SLAMF6: variants seen among roughly 807,000 people sequenced by gnomAD.
SLAMF6 encodes SLAM family member 6, also known as NK-T-B-antigen.
Under a neutral mutation model 38.3 loss-of-function variants are expected in SLAMF6, and 21 were observed. That is an observed-to-expected ratio of 0.55 (90% CI 0.39 to 0.79). The LOEUF (loss-of-function observed/expected upper bound fraction) is 0.79. Ranked by LOEUF, SLAMF6 falls within the 30% of genes least tolerant of loss-of-function variation. SLAMF6 has a pLI of 0.00. For missense variants in SLAMF6, 341 were observed against 385.3 expected, an observed-to-expected ratio of 0.89 and a Z score of 0.96; for synonymous variants, 152 against 146.3, an observed-to-expected ratio of 1.04 and a Z score of -0.28.
At position 160,501,205 on chromosome 1, in the gene SLAMF6, G is replaced by T. The variant is rs187948800; in HGVS notation, c.50-4812C>A. ...GGCATATTTATTAGGTCTGTTTTAT[G>T]TACCAGTTTCTAGACTGGAAACTGG... On this transcript the variant is annotated intron_variant, in intron 1 of 7. Coordinates refer to ENST00000368057, the MANE Select transcript of SLAMF6 (RefSeq NM_001184714.2). Among the ~76,000 whole-genome samples, 278 of 152,266 alleles carry T rather than the reference G, an allele frequency of 1.8e-3. 1 individual carries two copies. The Middle Eastern group carries it at 0.02, about 11-fold the overall frequency.
Position 160,487,110 on chromosome 1 carries a change from G to A in SLAMF6, c.945C>T (p.Ser315=). The change falls in exon 7 of 8, where the codon TCC becomes TCT. Residue 315 remains serine, a synonymous_variant. Transcript: ENST00000368057. ...TITIYSTINH[S]KESKPTFSRA... ...GGAGCAATCGTGGGCTTACCTCTTT[G>A]GAATGATTAATTGTGGAGTAAATTG... is the stretch of plus-strand genomic sequence containing the variant. 1.2e-6 allele frequency: 2 copies of A among 1,611,400 alleles called. No homozygotes were observed. Among genetic ancestry groups the A allele is most frequent in the South Asian group, 1.1e-5 (1 of 90,984 alleles).
At chr1:160,506,164 A>T (rs970119754) in intron 1 of SLAMF6, among the ~76,000 whole-genome samples, 1 of 152,170 alleles carries the variant, frequency 6.6e-6, no homozygotes, top group African/African-American at 2.4e-5. Context: ...ACATCCAAGA[A>T]AGTCAATGAA....
intron 4 of SLAMF6, 110 bp downstream of exon 4, chr1:160,490,465 C>G: frequency 5.5e-6 from 8 of 1,455,514 alleles, no homozygotes; most frequent in South Asian, 2.7e-5. Flanking sequence ...GGGTTTGCAG[C>G]CTCCCTCCCT....
intron 1 of SLAMF6, among the ~76,000 whole-genome samples, chr1:160,516,389 G>T (rs1571316345): frequency 1.3e-5 from 2 of 152,242 alleles, no homozygotes; most frequent in East Asian, 3.9e-4. Flanking sequence ...CTGTGCTCAT[G>T]GATAGGAAGA....
At chr1:160,504,276 A>G (rs1654066682) in intron 1 of SLAMF6, among the ~76,000 whole-genome samples, 1 of 152,318 alleles carries the variant, frequency 6.6e-6, no homozygotes, top group African/African-American at 2.4e-5. Flanking sequence ...TACTCTTACC[A>G]TACTTGCACA....
chr1:160,511,140 C>A, intron 1 of SLAMF6, among the ~76,000 whole-genome samples: 1 of 151,992 alleles, frequency 6.6e-6, no homozygotes, highest in African/African-American at 2.4e-5. Flanking sequence ...ATTAATATGC[C>A]GATACCACCA....
chr1:160,494,285 G>A (rs1258649842), intron 2 of SLAMF6, among the ~76,000 whole-genome samples: 1 of 152,156 alleles, frequency 6.6e-6, no homozygotes, highest in African/African-American at 2.4e-5. Flanking sequence ...AGCCTCAAGA[G>A]GGTGGCTGTC....
In SLAMF6 at chr1:160,485,786, A is replaced by G. The variant is rs149534223; in HGVS notation, c.*921T>C. 681 of 152,922 alleles carry G rather than the reference A, an allele frequency of 4.5e-3. 34 individuals carry two copies. The East Asian group carries it at 0.079, about 18-fold the overall frequency. The allele number at this position is 152,922 out of a possible 1,614,324, so 9.5% of individuals were successfully genotyped here. A position where few individuals can be genotyped will look rare whatever the true frequency, so the allele number is the denominator to read the frequency against. ...GGTAGGATTCAGGTTAGAGGTGGTG[A>G]TGGTTGGATACAGGATGGTGGTCAA... On this transcript the variant is annotated 3_prime_UTR_variant, in exon 8 of 8. Transcript: ENST00000368057.
chr1:160,514,649 A>G (rs1654651253), intron 1 of SLAMF6, among the ~76,000 whole-genome samples: 1 of 152,210 alleles, frequency 6.6e-6, no homozygotes, highest in South Asian at 2.1e-4. Context: ...AATCACAACA[A>G]ACAGTCTCTC....
Position 160,490,583 on chromosome 1 carries a change from T to C in SLAMF6, c.749A>G (p.Lys250Arg), listed in dbSNP as rs1557934273. ...FIILLLLVLRKRRDSLSLSTQ... is the reference protein window; with the variant it reads ...FIILLLLVLRRRRDSLSLSTQ... ...GAAGAAAGGAAACCTGCCTCTTCTT[T>C]TCCTCAAAACAAGTAACAGCAGTAT... The change falls in exon 4 of 8, where the codon AAA (lysine) becomes AGA (arginine). Residue 250 changes from lysine to arginine, a missense_variant. Coordinates refer to ENST00000368057, the MANE Select transcript of SLAMF6 (RefSeq NM_001184714.2). The C allele has an allele frequency of 6.2e-7, 1 of 1,612,742 alleles. No individual in the cohort carries two copies.
intron 1 of SLAMF6, among the ~76,000 whole-genome samples, chr1:160,508,432 G>A (rs1046293041): frequency 4.6e-5 from 7 of 152,158 alleles, no homozygotes; most frequent in Admixed American, 4.6e-4. Flanking sequence ...TTAATAAATG[G>A]TGCTGGGAAA....
At chr1:160,490,462 C>T in intron 4 of SLAMF6, 113 bp downstream of exon 4, 3 of 1,443,634 alleles carry the variant, frequency 2.1e-6, no homozygotes, top group South Asian at 1.4e-5. Context: ...CCAGGGTTTG[C>T]AGCCTCCCTC....
At chr1:160,494,795 C>T (rs1029554325) in intron 2 of SLAMF6, among the ~76,000 whole-genome samples, 5 of 152,110 alleles carry the variant, frequency 3.3e-5, no homozygotes, top group African/African-American at 4.8e-5. Context: ...CTACAGCCTC[C>T]AGAGGGAGCA....
chr1:160,506,891 C>A (rs1203997708), intron 1 of SLAMF6, among the ~76,000 whole-genome samples: 3 of 151,488 alleles, frequency 2.0e-5, no homozygotes, highest in African/African-American at 7.3e-5. Flanking sequence ...AATACAATAA[C>A]TAAAAATACA....
At chr1:160,492,195 CTT>C (rs1324717102) in intron 2 of SLAMF6, among the ~76,000 whole-genome samples, 1 of 152,160 alleles carries the variant, frequency 6.6e-6, no homozygotes, top group East Asian at 1.9e-4. Context: ...AGGCCACTGA[CTT>C]AGCCTTGGCC....
chr1:160,517,717 G>C (rs935596732), intron 1 of SLAMF6, among the ~76,000 whole-genome samples: 5 of 152,174 alleles, frequency 3.3e-5, no homozygotes, highest in Non-Finnish European at 5.9e-5. Flanking sequence ...TGTGGATGAA[G>C]CTGGAAGCCA....
chr1:160,490,065 C>T, intron 5 of SLAMF6, 133 bp downstream of exon 5: 6 of 1,023,712 alleles, frequency 5.9e-6, no homozygotes, highest in Admixed American at 3.4e-5. Flanking sequence ...TCTCCCCTCA[C>T]AGCATGTGGT....
At chr1:160,488,230 C>T (rs191040942) in intron 6 of SLAMF6, among the ~76,000 whole-genome samples, 1 of 151,244 alleles carries the variant, frequency 6.6e-6, no homozygotes, top group East Asian at 1.9e-4. Context: ...TTTGATTTGT[C>T]AGAGTGTGAG....
At position 160,492,295 on chromosome 1, in the gene SLAMF6, T is replaced by C. The variant is rs762767737; in HGVS notation, c.383-907A>G. ...AGACCGAGTAGTACTTTGAGCTTAG[T>C]TGAGTAGGAGTTGTGGAGTATCTGT... On this transcript the variant is annotated intron_variant, in intron 2 of 7. Coordinates refer to ENST00000368057, the MANE Select transcript of SLAMF6 (RefSeq NM_001184714.2). 3.3e-5 allele frequency among the ~76,000 whole-genome samples: 5 copies of C among 152,286 alleles called. No homozygotes were observed. The East Asian group carries it at 5.8e-4, about 18-fold the overall frequency.
Sources: allele counts gnomAD v4.1 joint callset (sites outside exome capture counted in the v4.1 genomes callset), GRCh38; gene constraint gnomAD v4.1.1; transcripts MANE v1.5; gene names NCBI Gene and HGNC (gene_info 2026-07-23, HGNC 2026-07-21).